Variants in ITGB5 observed in about 807,000 individuals in gnomAD.
ITGB5 encodes integrin beta-5.
Under a neutral mutation model 84.8 loss-of-function variants are expected in ITGB5, and 38 were observed. That is an observed-to-expected ratio of 0.45 (90% CI 0.35 to 0.59). The LOEUF (loss-of-function observed/expected upper bound fraction) is 0.59. ITGB5 is among the 20% of genes least tolerant of loss of function. ITGB5 has a pLI of 0.01. For synonymous variants in ITGB5, 393 were observed against 414.4 expected (o/e 0.95, Z 0.63); for missense variants, 905 against 1,034.5 (o/e 0.87, Z 1.72).
intron 10 of ITGB5, among the ~76,000 whole-genome samples, chr3:124,788,596 C>T (rs1039461656): frequency 7.2e-5 from 11 of 152,126 alleles, no homozygotes; most frequent in Non-Finnish European, 1.2e-4. Flanking sequence ...AAAATGGAAC[C>T]GGACTCTCCT....
chr3:124,896,548 A>G (rs1377100996), intron 1 of ITGB5, among the ~76,000 whole-genome samples: 1 of 152,026 alleles, frequency 6.6e-6, no homozygotes, highest in East Asian at 1.9e-4. Flanking sequence ...CAGGAGCTTG[A>G]AACAGACCAG....
upstream of ITGB5, among the ~76,000 whole-genome samples, chr3:124,891,094 C>T (rs763514662): frequency 7.2e-5 from 11 of 152,226 alleles, no homozygotes; most frequent in Admixed American, 2.6e-4. Context: ...ATCAGTTTGA[C>T]GACGGGGTTT....
intron 9 of ITGB5, among the ~76,000 whole-genome samples, chr3:124,805,101 T>C (rs994593637): frequency 2.2e-5 from 3 of 137,158 alleles, no homozygotes; most frequent in Admixed American, 7.4e-5. Flanking sequence ...TTTCTCTCTC[T>C]CTCTCTCCTT....
chr3:124,772,911 CTTTTTTTTT>C (rs35802279), intron 11 of ITGB5, among the ~76,000 whole-genome samples: 1 of 127,328 alleles, frequency 7.9e-6, no homozygotes, highest in Non-Finnish European at 1.6e-5. Context: ...CTCCAATTTA[CTTTTTTTTT>C]TTTTTTTTTT....
At chr3:124,866,922 A>G (rs1188114071) in intron 2 of ITGB5, among the ~76,000 whole-genome samples, 1 of 152,232 alleles carries the variant, frequency 6.6e-6, no homozygotes, top group African/African-American at 2.4e-5. Flanking sequence ...AGTGTCTACA[A>G]CAGGCCAATA....
intron 2 of ITGB5, among the ~76,000 whole-genome samples, chr3:124,868,839 A>AAGT (rs993199116): frequency 1.3e-5 from 2 of 152,038 alleles, no homozygotes; most frequent in Non-Finnish European, 2.9e-5. Context: ...ATGAAAAAAA[A>AAGT]AGTAAACAAA....
In ITGB5 at chr3:124,805,916, G is replaced by A. The variant is rs192418173; in HGVS notation, c.1263+3106C>T. Reference sequence around the variant, plus strand: ...CATGATTTCAATCCATCTCAATTTCGAAAAATATTTTTAAATCTTGGCTTT... The same window carrying A: ...CATGATTTCAATCCATCTCAATTTCAAAAAATATTTTTAAATCTTGGCTTT... On this transcript the variant is annotated intron_variant, in intron 9 of 14. Transcript: ENST00000296181. 2.8e-3 allele frequency among the ~76,000 whole-genome samples: 420 copies of A among 152,074 alleles called. 6 individuals are homozygous for A. Among genetic ancestry groups the A allele is most frequent in the African/African-American group, 8.5e-3 (352 of 41,452 alleles).
At chr3:124,830,686 T>C (rs943698552) in intron 5 of ITGB5, among the ~76,000 whole-genome samples, 2 of 152,152 alleles carry the variant, frequency 1.3e-5, no homozygotes, top group African/African-American at 2.4e-5. Context: ...CTCTCCTTGA[T>C]AGAAAATTCT....
intron 10 of ITGB5, among the ~76,000 whole-genome samples, chr3:124,784,155 A>G (rs963444156): frequency 7.9e-5 from 12 of 152,218 alleles, no homozygotes; most frequent in African/African-American, 2.9e-4. Context: ...ACTCCATTGT[A>G]AAAAGCAACA....
At chr3:124,874,665 C>T (rs1934225476) in intron 1 of ITGB5, among the ~76,000 whole-genome samples, 1 of 152,122 alleles carries the variant, frequency 6.6e-6, no homozygotes, top group South Asian at 2.1e-4. Flanking sequence ...ACATGTAGAC[C>T]AATGGAACAG....
upstream of ITGB5, among the ~76,000 whole-genome samples, chr3:124,891,909 C>T (rs1935009110): frequency 6.7e-6 from 1 of 149,518 alleles, no homozygotes; most frequent in Non-Finnish European, 1.5e-5. Context: ...ACAGTGAGGC[C>T]CTGTCTCAAA....
chr3:124,854,889 A>G (rs555907990), intron 3 of ITGB5, among the ~76,000 whole-genome samples: 1 of 152,328 alleles, frequency 6.6e-6, no homozygotes, highest in South Asian at 2.1e-4. Context: ...AGTGTCTTTC[A>G]TATTATGCTG....
chr3:124,898,021 C>A (rs560195799), intron 1 of ITGB5, among the ~76,000 whole-genome samples: 26 of 152,204 alleles, frequency 1.7e-4, no homozygotes, highest in African/African-American at 5.3e-4. Flanking sequence ...CCTCTATATT[C>A]TTTGGCTTTC....
chr3:124,765,952 G>A (rs1257644386), intron 13 of ITGB5, among the ~76,000 whole-genome samples: 2 of 151,846 alleles, frequency 1.3e-5, no homozygotes, highest in Admixed American at 6.6e-5. Context: ...CCAGCTGCTC[G>A]GGAGGCTGAA....
chr3:124,764,462 G>C lies in ITGB5; in HGVS notation c.2233C>G (p.Leu745Val). 1 of 1,614,082 alleles carries C rather than the reference G, an allele frequency of 6.2e-7. No homozygotes were observed. The highest frequency in any genetic ancestry group is 8.5e-7 in the Non-Finnish European group (1 of 1,180,010). The stretch of plus-strand genomic sequence containing the variant: ...TCCCTCCGGTCGTGGATGGTGACAA[G>C]CAGCTTCCAGATAGCCAGGAGTGCA... Reference protein sequence around the residue: ...GLALLAIWKLLVTIHDRREFA... With the variant: ...GLALLAIWKLVVTIHDRREFA... The change falls in exon 14 of 15, where the codon CTT (leucine) becomes GTT (valine). Residue 745 changes from leucine (L) to valine (V), a missense_variant. Physicochemically the swap from Leu to Val is conservative, Grantham distance 32. This residue lies in a region of ITGB5 where 133 missense variants were observed against 122.8 expected (regional missense o/e 1.08). Coordinates refer to ENST00000296181, the MANE Select transcript of ITGB5 (RefSeq NM_002213.5).
chr3:124,780,532 A>G (rs888291086), intron 10 of ITGB5: 1 of 152,408 alleles, frequency 6.6e-6, no homozygotes, highest in African/African-American at 2.4e-5. Flanking sequence ...CCCCTCCGGG[A>G]GTCCATTCTG....
intron 8 of ITGB5, 100 bp from the exon 9 acceptor site, chr3:124,809,256 C>T (rs1180066802): frequency 5.4e-6 from 7 of 1,300,740 alleles, no homozygotes; most frequent in Non-Finnish European, 5.4e-6. Flanking sequence ...TCCTCTAACT[C>T]AGGAATCCCA....
chr3:124,770,431 A>G (rs549268362), intron 11 of ITGB5, among the ~76,000 whole-genome samples: 4 of 152,306 alleles, frequency 2.6e-5, no homozygotes, highest in African/African-American at 7.2e-5. Flanking sequence ...CTGGGTGTCC[A>G]GAAAGCTCTC....
chr3:124,900,666 C>A (rs72974597), intron 1 of ITGB5, among the ~76,000 whole-genome samples: 7,945 of 152,226 alleles, frequency 0.052, 243 homozygotes, highest in African/African-American at 0.086. Context: ...GCTTTTTGCA[C>A]TGTGGATTGT....
Sources: allele counts gnomAD v4.1 joint callset (sites outside exome capture counted in the v4.1 genomes callset), GRCh38; gene constraint gnomAD v4.1.1; regional missense constraint gnomAD v4.1.1; transcripts MANE v1.5; gene names NCBI Gene and HGNC (gene_info 2026-07-23, HGNC 2026-07-21).